The following BTBD8 variants were observed in gnomAD, a reference collection of about 807,000 sequenced individuals.
BTBD8 encodes the protein BTB domain containing 8, also known as BTB/POZ domain-containing protein 8.
A neutral mutation model predicts 162.9 loss-of-function variants in BTBD8; 110 were observed. The ratio of observed to expected loss-of-function variants is 0.68; its 90% CI spans 0.58 to 0.79. The LOEUF is 0.79. Among genes scored for constraint, BTBD8 ranks in the 30% least tolerant of loss-of-function variants. The pLI is 0.00. For missense variants in BTBD8, 1,905 were observed against 2,085.4 expected (o/e 0.91, Z 1.68); for synonymous variants, 667 against 716.1 (o/e 0.93, Z 1.10).
chr1:92,094,007 T>C (rs1180075604), intron 2 of BTBD8, among the ~76,000 whole-genome samples: 1 of 152,198 alleles, frequency 6.6e-6, no homozygotes, highest in African/African-American at 2.4e-5. Context: ...TTAGACCCAG[T>C]ATGGGAGAGT....
chr1:92,086,367 C>T (rs1046535121), intron 1 of BTBD8, among the ~76,000 whole-genome samples: 2 of 152,164 alleles, frequency 1.3e-5, no homozygotes, highest in Non-Finnish European at 2.9e-5. Context: ...TTATGTCAGA[C>T]GTGCAAGCCC....
At chr1:92,132,441 G>T (rs565126451) in intron 5 of BTBD8, among the ~76,000 whole-genome samples, 1 of 152,044 alleles carries the variant, frequency 6.6e-6, no homozygotes, top group African/African-American at 2.4e-5. Context: ...CAGTGGGCAA[G>T]AAAGAAATAG....
intron 9 of BTBD8, among the ~76,000 whole-genome samples, chr1:92,157,743 G>C (rs1650192888): frequency 1.3e-5 from 2 of 151,772 alleles, no homozygotes; most frequent in African/African-American, 4.8e-5. Flanking sequence ...CTTTTCCCAA[G>C]TGATCCTCCC....
Position 92,147,194 on chromosome 1 carries a change from A to G in BTBD8, c.945A>G (p.Thr315=). The G allele has an allele frequency of 1.2e-6, 2 of 1,608,144 alleles. No individual in the cohort carries two copies. The highest frequency in any genetic ancestry group is 8.5e-7 in the Non-Finnish European group (1 of 1,177,488). ...ATCAATTTTAGCCTGTTCCCAGAAC[A>G]TTGACGTCTATACTAGAATGCCTGA... The part of the protein sequence containing the change: ...CNFFQKPVPR[T]LTSILECLII... Residue 315 remains threonine (T), a synonymous_variant, in exon 8 of 18, where the codon ACA becomes ACG. Transcript: ENST00000636805.
Position 92,088,742 on chromosome 1 carries a change from G to T in BTBD8, c.194G>T (p.Gly65Val), listed in dbSNP as rs769966392. Reference protein sequence around the residue: ...EFHTDVTFSVGCTLFKAHKAV... With the variant: ...EFHTDVTFSVVCTLFKAHKAV... The stretch of plus-strand genomic sequence containing the variant: ...CATACAGATGTTACCTTCTCTGTGG[G>T]TTGTACTTTGTTCAAAGCACACAAA... Residue 65 changes from glycine (G) to valine (V), a missense_variant, in exon 2 of 18, where the codon GGT becomes GTT. Physicochemically the swap from Gly to Val is moderately radical, Grantham distance 109 (BLOSUM62 -3). Transcript: ENST00000636805. 1 of 1,612,084 alleles carries T rather than the reference G, an allele frequency of 6.2e-7. No individual in the cohort carries two copies. Among genetic ancestry groups the T allele is most frequent in the East Asian group, 2.2e-5 (1 of 44,698 alleles).
intron 7 of BTBD8, among the ~76,000 whole-genome samples, chr1:92,146,051 T>C (rs901608390): frequency 1.6e-4 from 24 of 152,118 alleles, no homozygotes; most frequent in Non-Finnish European, 3.5e-4. Flanking sequence ...ATATAGGGCC[T>C]CTCATTGCAC....
intron 9 of BTBD8, among the ~76,000 whole-genome samples, chr1:92,148,129 T>C (rs1359528396): frequency 6.6e-6 from 1 of 152,156 alleles, no homozygotes; most frequent in African/African-American, 2.4e-5. Flanking sequence ...TTCTCAATGG[T>C]ACCATTCTTC....
rs574784072 is a variant in BTBD8, at chr1:92,170,559, A to G, written c.1574-840A>G. On this transcript the variant is annotated intron_variant, in intron 12 of 17. Transcript: ENST00000636805. ...TCTTATAGCACATATCCTATAGAAT[A>G]GAGATCATGGAAGATGCATGGTAGT... Among the ~76,000 whole-genome samples the G allele has an allele frequency of 4.6e-5, 7 of 152,284 alleles. No homozygotes were observed. The South Asian group carries it at 1.2e-3, about 27-fold the overall frequency.
intron 12 of BTBD8, among the ~76,000 whole-genome samples, chr1:92,169,567 A>G (rs965569158): frequency 2.0e-5 from 3 of 151,898 alleles, no homozygotes; most frequent in Non-Finnish European, 4.4e-5. Flanking sequence ...TGCTCAGAAC[A>G]TGTGTTTAAA....
intron 7 of BTBD8, among the ~76,000 whole-genome samples, chr1:92,145,120 C>T (rs9661633): frequency 0.63 from 96,245 of 151,666 alleles, 31,058 homozygotes; most frequent in East Asian, 0.97. Flanking sequence ...TGTGCCACCA[C>T]GCCTGGCTAA....
In BTBD8 at chr1:92,154,439, A is replaced by G. The variant is rs533424766; in HGVS notation, c.1122+6653A>G. ...ACTACCTATTCTCCACATCCTCACC[A>G]AAACTTGTTATCTTTTATTTTTTTG... On this transcript the variant is annotated intron_variant, in intron 9 of 17. Coordinates refer to ENST00000636805, the MANE Select transcript of BTBD8 (RefSeq NM_001376131.1). Among the ~76,000 whole-genome samples the G allele has an allele frequency of 2.8e-4, 42 of 152,308 alleles. 1 individual carries two copies. The highest frequency in any genetic ancestry group is 9.9e-4 in the African/African-American group (41 of 41,558).
At chr1:92,173,050 C>T (rs983712274) in intron 13 of BTBD8, among the ~76,000 whole-genome samples, 1 of 152,090 alleles carries the variant, frequency 6.6e-6, no homozygotes, top group Non-Finnish European at 1.5e-5. Context: ...CTCAGCCTCC[C>T]AAATAGCTGG....
intron 7 of BTBD8, among the ~76,000 whole-genome samples, chr1:92,146,853 C>G (rs1387814773): frequency 6.6e-6 from 1 of 151,986 alleles, no homozygotes; most frequent in Non-Finnish European, 1.5e-5. Context: ...ATCCATTCAT[C>G]TAGTAAAGGA....
At chr1:92,133,959 G>A (rs1649571460) in intron 5 of BTBD8, among the ~76,000 whole-genome samples, 1 of 133,592 alleles carries the variant, frequency 7.5e-6, no homozygotes, top group African/African-American at 2.8e-5. Context: ...GACAGAGTGA[G>A]ACTCTGTCTC....
chr1:92,177,648 G>A, intron 14 of BTBD8, 102 bp downstream of exon 14: 1 of 876,444 alleles, frequency 1.1e-6, no homozygotes, highest in Non-Finnish European at 1.8e-6. Context: ...AGTTTCAGAT[G>A]CCAACAGAAT....
intron 4 of BTBD8, chr1:92,125,837 G>A (rs1455269041): frequency 4.9e-6 from 2 of 406,510 alleles, no homozygotes; most frequent in Non-Finnish European, 9.8e-6. Context: ...GTGATGAAGG[G>A]GATAACTTCT....
chr1:92,147,309 A>T (rs1557456446), intron 8 of BTBD8, 41 bp downstream of exon 8: 1 of 1,521,402 alleles, frequency 6.6e-7, no homozygotes, highest in South Asian at 1.2e-5. Flanking sequence ...TAATTTAGGG[A>T]TTTTGTTTTT....
intron 7 of BTBD8, among the ~76,000 whole-genome samples, chr1:92,146,413 C>G (rs1367613416): frequency 6.6e-6 from 1 of 152,216 alleles, no homozygotes; most frequent in Non-Finnish European, 1.5e-5. Flanking sequence ...ACGTCCCACA[C>G]TGGAGTGGTA....
At chr1:92,132,917 G>T (rs1039491581) in intron 5 of BTBD8, among the ~76,000 whole-genome samples, 2 of 152,118 alleles carry the variant, frequency 1.3e-5, no homozygotes, top group Non-Finnish European at 2.9e-5. Context: ...TGGATGCATG[G>T]TTTCATCTAT....
Sources: allele counts gnomAD v4.1 joint callset (sites outside exome capture counted in the v4.1 genomes callset), GRCh38; gene constraint gnomAD v4.1.1; transcripts MANE v1.5; gene names NCBI Gene and HGNC (gene_info 2026-07-23, HGNC 2026-07-21).